Variants in MAST2 observed in about 807,000 individuals in gnomAD.
The protein encoded by MAST2 is microtubule associated serine/threonine kinase 2.
MAST2 carries 70 observed loss-of-function variants against 147.4 expected under a neutral mutation model. The ratio of observed to expected loss-of-function variants is 0.47; its 90% confidence interval spans 0.39 to 0.58. The LOEUF is 0.58. Among genes scored for constraint, MAST2 ranks in the 20% least tolerant of loss-of-function variants. MAST2 has a pLI of 0.00. For missense variants in MAST2, 2,080 were observed against 2,302.3 expected (o/e 0.90, Z 1.98); for synonymous variants, 869 against 896.8 (o/e 0.97, Z 0.55).
intron 9 of MAST2, 113 bp downstream of exon 9, chr1:46,008,484 C>T (rs969012222): frequency 2.9e-6 from 2 of 697,428 alleles, no homozygotes; most frequent in Non-Finnish European, 5.0e-6. Context: ...CAGAGATAAC[C>T]AAGAAGAAGA....
At chr1:45,826,975 C>A (rs1418065528) in intron 2 of MAST2, among the ~76,000 whole-genome samples, 3 of 151,610 alleles carry the variant, frequency 2.0e-5, no homozygotes, top group Non-Finnish European at 4.4e-5. Flanking sequence ...ACTACAGGTG[C>A]CATGCCACCA....
At chr1:45,968,211 C>CT (rs1266247800) in intron 5 of MAST2, among the ~76,000 whole-genome samples, 1 of 152,206 alleles carries the variant, frequency 6.6e-6, no homozygotes, top group African/African-American at 2.4e-5. Context: ...GTTGAACAGA[C>CT]TTATCTATTA....
chr1:45,890,443 C>G (rs1647558853), intron 4 of MAST2, among the ~76,000 whole-genome samples: 1 of 152,202 alleles, frequency 6.6e-6, no homozygotes, highest in Non-Finnish European at 1.5e-5. Context: ...GCTGTGTGCT[C>G]ACATGGCCTT....
At chr1:45,900,374 A>G (rs1418979174) in intron 4 of MAST2, among the ~76,000 whole-genome samples, 2 of 150,638 alleles carry the variant, frequency 1.3e-5, no homozygotes, top group Admixed American at 1.3e-4. Flanking sequence ...GTCATTTTCC[A>G]TTCTGACTGG....
At chr1:45,842,955 T>A (rs1320897894) in intron 3 of MAST2, among the ~76,000 whole-genome samples, 1 of 152,208 alleles carries the variant, frequency 6.6e-6, no homozygotes, top group Non-Finnish European at 1.5e-5. Context: ...ATATTCCATT[T>A]AAAAAATTAT....
chr1:45,804,087 G>C lies in MAST2; in HGVS notation c.177+15G>C. 7.9e-7 allele frequency: 1 copy of C among 1,272,126 alleles called. No homozygotes were observed. The allele number at this position is 1,272,126 out of a possible 1,614,324, so 78.8% of individuals were successfully genotyped here. A position where few individuals can be genotyped will look rare whatever the true frequency, so the allele number is the denominator to read the frequency against. ...GCAAGGAGCAGGTAGGGCGGGTTGG[G>C]ATCCGGGAGGGTGAACCTGAATGGA... is the stretch of plus-strand genomic sequence containing the variant. On this transcript the variant is annotated intron_variant, in intron 1 of 28. Coordinates refer to ENST00000361297, the MANE Select transcript of MAST2 (RefSeq NM_015112.3).
rs979294155 is a variant in MAST2 at position 45,995,115 on chromosome 1, C to G, written c.593-2609C>G. ...TCAGCCTCCCAAAGTGCTGGGATTA[C>G]GGGCGTGAGCCACCACGCCTGGCCC... is the stretch of plus-strand genomic sequence containing the variant. On this transcript the variant is annotated intron_variant, in intron 5 of 28. Transcript: ENST00000361297. Among the ~76,000 whole-genome samples the G allele has an allele frequency of 5.3e-4, 80 of 152,244 alleles. 1 individual carries two copies. Among genetic ancestry groups the G allele is most frequent in the African/African-American group, 1.9e-3 (77 of 41,542 alleles).
intron 4 of MAST2, among the ~76,000 whole-genome samples, chr1:45,882,657 T>G: frequency 6.6e-6 from 1 of 152,368 alleles, no homozygotes; most frequent in African/African-American, 2.4e-5. Flanking sequence ...AACTTAAATA[T>G]TCATCACAGT....
intron 4 of MAST2, among the ~76,000 whole-genome samples, chr1:45,884,658 G>A (rs922035955): frequency 1.3e-5 from 2 of 152,174 alleles, no homozygotes; most frequent in Non-Finnish European, 2.9e-5. Flanking sequence ...CTTTTGAAGA[G>A]CTTACACTTA....
chr1:45,905,905 A>G (rs1557889711), intron 4 of MAST2, among the ~76,000 whole-genome samples: 1 of 152,166 alleles, frequency 6.6e-6, no homozygotes, highest in Non-Finnish European at 1.5e-5. Flanking sequence ...ATACTGTTGT[A>G]CTTTCCTACT....
At chr1:45,991,067 T>G (rs577817463) in intron 5 of MAST2, among the ~76,000 whole-genome samples, 1 of 152,338 alleles carries the variant, frequency 6.6e-6, no homozygotes, top group East Asian at 1.9e-4. Flanking sequence ...TTTGAGTTAA[T>G]TTTTGTAAAA....
At chr1:45,920,503 G>T (rs1455559737) in intron 4 of MAST2, among the ~76,000 whole-genome samples, 1 of 152,008 alleles carries the variant, frequency 6.6e-6, no homozygotes. Flanking sequence ...TAATTTTTTT[G>T]TTTTTAAGGT....
At chr1:45,839,564 G>C (rs1228420847) in intron 3 of MAST2, among the ~76,000 whole-genome samples, 1 of 152,090 alleles carries the variant, frequency 6.6e-6, no homozygotes, top group Non-Finnish European at 1.5e-5. Flanking sequence ...GAACCACCTG[G>C]TGCCCAGTCT....
chr1:46,034,785 G>A lies in MAST2; in HGVS notation c.4116G>A (p.Gln1372=). Residue 1372 remains glutamine (Q), a synonymous_variant, in exon 29 of 29, where the codon CAG becomes CAA. Coordinates refer to ENST00000361297, the MANE Select transcript of MAST2 (RefSeq NM_015112.3). ...CGCCCCTGTCTGGCCATGTAGCCCAGGCCTTTCCCACAAAGCTTCACTTGT... is the reference window on the plus strand; with the variant it reads ...CGCCCCTGTCTGGCCATGTAGCCCAAGCCTTTCCCACAAAGCTTCACTTGT... ...SPSPLSGHVA[Q]AFPTKLHLSP... 1 of 1,613,876 alleles carries A rather than the reference G, an allele frequency of 6.2e-7. No homozygotes were observed. Among genetic ancestry groups the A allele is most frequent in the African/African-American group, 1.3e-5 (1 of 75,016 alleles).
intron 4 of MAST2, among the ~76,000 whole-genome samples, chr1:45,915,202 G>T (rs887331653): frequency 3.9e-5 from 6 of 152,212 alleles, no homozygotes; most frequent in African/African-American, 1.4e-4. Context: ...AGAGTGCTGA[G>T]ATTACCATAC....
At chr1:45,880,651 G>A (rs1048728974) in intron 3 of MAST2, among the ~76,000 whole-genome samples, 1 of 151,998 alleles carries the variant, frequency 6.6e-6, no homozygotes, top group African/African-American at 2.4e-5. Flanking sequence ...TAAAATAAGC[G>A]AATTTTACAA....
intron 1 of MAST2, among the ~76,000 whole-genome samples, chr1:45,822,393 A>G (rs1644664558): frequency 8.3e-6 from 1 of 120,022 alleles, no homozygotes; most frequent in Admixed American, 8.8e-5. Flanking sequence ...AGAGACTTGC[A>G]GTAAGAAGGG....
chr1:45,985,717 C>T (rs1644586263), intron 5 of MAST2, among the ~76,000 whole-genome samples: 1 of 152,166 alleles, frequency 6.6e-6, no homozygotes, highest in Non-Finnish European at 1.5e-5. Flanking sequence ...GAATTGACTT[C>T]TTAACAATAT....
chr1:45,949,981 C>T (rs535303417), intron 4 of MAST2, among the ~76,000 whole-genome samples: 84 of 152,164 alleles, frequency 5.5e-4, no homozygotes, highest in Non-Finnish European at 7.9e-4. Flanking sequence ...AACCAAATAC[C>T]GCATGTTCTT....
Sources: allele counts gnomAD v4.1 joint callset (sites outside exome capture counted in the v4.1 genomes callset), GRCh38; gene constraint gnomAD v4.1.1; transcripts MANE v1.5; gene names NCBI Gene and HGNC (gene_info 2026-07-23, HGNC 2026-07-21).